Variants in L3MBTL4 observed in about 807,000 individuals in gnomAD.
The protein encoded by L3MBTL4 is L3MBTL histone methyl-lysine binding protein 4.
In L3MBTL4, 70 loss-of-function variants were observed where a neutral mutation model predicts 84.5. The observed-to-expected ratio is 0.83, with a 90% CI of 0.68 to 1.01. The LOEUF is 1.01. L3MBTL4 is among the 50% of genes least tolerant of loss of function. The pLI, the probability that L3MBTL4 is intolerant of heterozygous loss-of-function variation, is 0.00. For synonymous variants in L3MBTL4, 274 were observed against 259.8 expected (o/e 1.05, Z -0.52); for missense variants, 715 against 754.8 (o/e 0.95, Z 0.62).
chr18:6,300,995 C>A (rs1204926550), intron 4 of L3MBTL4, among the ~76,000 whole-genome samples: 1 of 152,098 alleles, frequency 6.6e-6, no homozygotes. Context: ...TTTAAAGCAC[C>A]ACCCATTTGT....
intron 16 of L3MBTL4, among the ~76,000 whole-genome samples, chr18:5,970,346 G>A (rs1007129032): frequency 7.9e-5 from 12 of 152,352 alleles, no homozygotes; most frequent in Admixed American, 1.3e-4. Flanking sequence ...CAAGGAGTGA[G>A]ACTTCAACGG....
In L3MBTL4 at chr18:6,093,330, C is replaced by G. The variant is rs1401896100; in HGVS notation, c.1373+25G>C. ...CTATTCTACATGGTTTACTTTCTGGCTCACATTTTTAAGAAGTTTCTTACC... is the reference window on the plus strand; with the variant it reads ...CTATTCTACATGGTTTACTTTCTGGGTCACATTTTTAAGAAGTTTCTTACC... On this transcript the variant is annotated intron_variant, in intron 15 of 18. Transcript: ENST00000317931. 15 of 1,571,296 alleles carry G rather than the reference C, an allele frequency of 9.5e-6. No homozygotes were observed. The South Asian group carries it at 1.2e-4, about 12-fold the overall frequency.
chr18:6,234,048 C>G (rs1331964397), intron 10 of L3MBTL4, among the ~76,000 whole-genome samples: 7 of 151,982 alleles, frequency 4.6e-5, no homozygotes, highest in Non-Finnish European at 1.0e-4. Context: ...ACAAACCTGA[C>G]AAAAACAAGA....
At position 6,134,038 on chromosome 18, in the gene L3MBTL4, C is replaced by G. The variant is rs188765447; in HGVS notation, c.1199+4156G>C. ...CGAGACTGGGAAGGAAAAAGAGGTT[C>G]AGTTGGACATGCAGTTCCACATGGC... On this transcript the variant is annotated intron_variant, in intron 14 of 18. Transcript: ENST00000317931. 2.0e-3 allele frequency among the ~76,000 whole-genome samples: 300 copies of G among 152,224 alleles called. 6 individuals carry two copies. Among genetic ancestry groups the G allele is most frequent in the Non-Finnish European group, 9.9e-4 (67 of 68,006 alleles).
At chr18:6,111,688 TTTTA>T (rs1451535916) in intron 14 of L3MBTL4, among the ~76,000 whole-genome samples, 1 of 152,144 alleles carries the variant, frequency 6.6e-6, no homozygotes, top group Non-Finnish European at 1.5e-5. Flanking sequence ...CTGGAACACA[TTTTA>T]TTTATTTATA....
At chr18:6,130,648 A>G (rs1402512751) in intron 14 of L3MBTL4, among the ~76,000 whole-genome samples, 7 of 152,204 alleles carry the variant, frequency 4.6e-5, no homozygotes, top group African/African-American at 1.7e-4. Flanking sequence ...TATGACACAG[A>G]GGTAGATCAA....
intron 1 of L3MBTL4, among the ~76,000 whole-genome samples, chr18:6,319,653 A>T (rs1224080561): frequency 6.6e-6 from 1 of 152,050 alleles, no homozygotes; most frequent in Non-Finnish European, 1.5e-5. Flanking sequence ...ATGTCAACAA[A>T]AAAAAGCACA....
intron 16 of L3MBTL4, among the ~76,000 whole-genome samples, chr18:6,071,756 AG>A (rs879915432): frequency 0.26 from 36,043 of 140,800 alleles, 5,363 homozygotes; most frequent in East Asian, 0.58. Context: ...AAAGAAAGAA[AG>A]AAAAAAAGAA....
chr18:6,094,053 A>C (rs12326344), intron 14 of L3MBTL4, among the ~76,000 whole-genome samples: 41,914 of 152,154 alleles, frequency 0.28, 8,080 homozygotes, highest in African/African-American at 0.55. Context: ...GAAAGGATAC[A>C]TTGTAGGTGA....
At chr18:6,213,292 G>T in intron 11 of L3MBTL4, 33 bp from the exon 12 acceptor site, 1 of 1,261,646 alleles carries the variant, frequency 7.9e-7, no homozygotes. Context: ...AACAAATCAT[G>T]CAAAATTCAG....
intron 13 of L3MBTL4, among the ~76,000 whole-genome samples, chr18:6,141,832 T>C (rs2060204403): frequency 6.6e-6 from 1 of 152,198 alleles, no homozygotes; most frequent in Non-Finnish European, 1.5e-5. Flanking sequence ...ATCATATCAC[T>C]TCTCTCTTAG....
At chr18:6,079,196 T>C (rs1455409888) in intron 16 of L3MBTL4, among the ~76,000 whole-genome samples, 1 of 152,136 alleles carries the variant, frequency 6.6e-6, no homozygotes, top group African/African-American at 2.4e-5. Context: ...GCCACTTTGA[T>C]TGACAAAAGG....
chr18:6,218,966 T>C (rs988595207), intron 10 of L3MBTL4, among the ~76,000 whole-genome samples: 1 of 152,142 alleles, frequency 6.6e-6, no homozygotes, highest in South Asian at 2.1e-4. Context: ...GACCGCCCCA[T>C]GGAACAAGAA....
At chr18:6,368,952 G>T (rs1358714626) in intron 1 of L3MBTL4, among the ~76,000 whole-genome samples, 1 of 151,558 alleles carries the variant, frequency 6.6e-6, no homozygotes, top group Admixed American at 6.6e-5. Flanking sequence ...TGAGGTGGGA[G>T]AATCAATTGA....
intron 4 of L3MBTL4, among the ~76,000 whole-genome samples, chr18:6,279,883 T>G (rs1035310568): frequency 6.6e-6 from 1 of 152,194 alleles, no homozygotes; most frequent in African/African-American, 2.4e-5. Flanking sequence ...TTAAATATAA[T>G]ATAGCTCCGG....
At chr18:6,255,850 G>A (rs1344754783) in intron 5 of L3MBTL4, among the ~76,000 whole-genome samples, 3 of 151,588 alleles carry the variant, frequency 2.0e-5, no homozygotes, top group Admixed American at 2.0e-4. Flanking sequence ...ACAGACTCAG[G>A]CTATAATTTG....
At chr18:6,333,371 G>A (rs1397963788) in intron 1 of L3MBTL4, among the ~76,000 whole-genome samples, 13 of 152,006 alleles carry the variant, frequency 8.6e-5, no homozygotes, top group South Asian at 2.1e-4. Flanking sequence ...TCAAGAGATC[G>A]AGACCATCCT....
intron 5 of L3MBTL4, among the ~76,000 whole-genome samples, chr18:6,245,034 C>T (rs181985830): frequency 5.3e-5 from 8 of 152,212 alleles, no homozygotes; most frequent in Middle Eastern, 3.4e-3. Flanking sequence ...CTCAGCCTCC[C>T]GAATAGCTAG....
chr18:6,367,687 G>C (rs1046660855), intron 1 of L3MBTL4: 9 of 152,492 alleles, frequency 5.9e-5, no homozygotes, highest in Non-Finnish European at 8.8e-5. Context: ...AGAGCACTCA[G>C]ATAAAGCACT....
Sources: allele counts gnomAD v4.1 joint callset (sites outside exome capture counted in the v4.1 genomes callset), GRCh38; gene constraint gnomAD v4.1.1; transcripts MANE v1.5; gene names NCBI Gene and HGNC (gene_info 2026-07-23, HGNC 2026-07-21).